Variants in TNS1 observed in about 807,000 individuals in gnomAD.
TNS1 encodes the protein tensin-1.
A neutral mutation model predicts 168.6 loss-of-function variants in TNS1; 62 were observed. The observed-to-expected ratio is 0.37, with a 90% CI of 0.30 to 0.45. TNS1 has a LOEUF of 0.45. TNS1 is among the 20% of genes least tolerant of loss of function. The pLI is 1.00. For missense variants in TNS1, 2,240 were observed against 2,339.4 expected (o/e 0.96, Z 0.88); for synonymous variants, 934 against 933.2 (o/e 1.00, Z -0.02).
In TNS1 at chr2:217,813,977, G is replaced by T; in HGVS notation, c.4730-161C>A. The T allele has an allele frequency of 1.2e-6, 1 of 816,942 alleles. No individual in the cohort carries two copies. Among genetic ancestry groups the T allele is most frequent in the Non-Finnish European group, 1.7e-6 (1 of 579,530 alleles). 50.6% of individuals were successfully genotyped at this position (816,942 alleles called of 1,614,324 possible). On this transcript the variant is annotated intron_variant, in intron 25 of 32. Coordinates refer to ENST00000682258, the MANE Select transcript of TNS1 (RefSeq NM_001387777.1). This position sits in a 1 kb window ranked among gnomAD's most constrained non-coding sequence, Gnocchi z 4.0. ...ACTCCTACGGGTCTTCCTGTACTCA[G>T]GTTGGCAAACTTATTCTGTTGGGTT...
At chr2:217,947,226 T>C (rs373488338) in intron 3 of TNS1, among the ~76,000 whole-genome samples, 2 of 145,094 alleles carry the variant, frequency 1.4e-5, no homozygotes, top group African/African-American at 5.0e-5. Flanking sequence ...CCTTCAAGGG[T>C]AGGCCTGGGG....
intron 4 of TNS1, among the ~76,000 whole-genome samples, chr2:217,910,964 C>T (rs1954336612): frequency 6.6e-6 from 1 of 152,154 alleles, no homozygotes; most frequent in Non-Finnish European, 1.5e-5. Context: ...TCTCACTGCC[C>T]TCACCCTTGG....
chr2:217,899,295 G>A (rs1952672817), intron 7 of TNS1, among the ~76,000 whole-genome samples: 1 of 152,164 alleles, frequency 6.6e-6, no homozygotes, highest in Admixed American at 6.5e-5. Flanking sequence ...GTTTGACTCT[G>A]AGTCCCAGCT....
chr2:217,835,401 T>C (rs1190738531), intron 20 of TNS1, among the ~76,000 whole-genome samples: 2 of 152,166 alleles, frequency 1.3e-5, no homozygotes, highest in African/African-American at 4.8e-5. Flanking sequence ...TATAGGCCAG[T>C]ACACTCGCTC....
At position 217,974,545 on chromosome 2, in the gene TNS1, A is replaced by T. The variant is rs561665440; in HGVS notation, c.186+4220T>A. On this transcript the variant is annotated intron_variant, in intron 3 of 32. Coordinates refer to ENST00000682258, the MANE Select transcript of TNS1 (RefSeq NM_001387777.1). ...CTCAACCTTCCGATGGGCAATCAAC[A>T]CATAGATAACATTGACTATGAGCCG... Among the ~76,000 whole-genome samples the T allele has an allele frequency of 8.9e-4, 136 of 152,296 alleles. 1 individual carries two copies. Among genetic ancestry groups the T allele is most frequent in the East Asian group, 9.6e-4 (5 of 5,186 alleles).
intron 24 of TNS1, among the ~76,000 whole-genome samples, chr2:217,815,568 G>A (rs892747030): frequency 1.3e-5 from 2 of 152,204 alleles, no homozygotes; most frequent in East Asian, 1.9e-4. Flanking sequence ...TCCCCTGCCC[G>A]CCATCTGGGT....
chr2:217,945,905 A>G (rs1957093211), intron 3 of TNS1, among the ~76,000 whole-genome samples: 1 of 152,116 alleles, frequency 6.6e-6, no homozygotes, highest in African/African-American at 2.4e-5. Flanking sequence ...AGCTCTCTAG[A>G]GGTGGATGTG....
At chr2:217,808,542 C>T in intron 31 of TNS1, 61 bp downstream of exon 31, 2 of 1,506,806 alleles carry the variant, frequency 1.3e-6, no homozygotes, top group Non-Finnish European at 1.8e-6. Context: ...CATGCATGCA[C>T]CCACACAGAC....
intron 1 of TNS1, among the ~76,000 whole-genome samples, chr2:218,009,101 T>C (rs1217661071): frequency 1.3e-5 from 2 of 152,188 alleles, no homozygotes; most frequent in Non-Finnish European, 2.9e-5. Context: ...AGTGGCTGGC[T>C]CCATAGCTGG....
rs1379266242 is a variant in TNS1 at position 217,818,012 on chromosome 2, C to A, written c.4320G>T (p.Leu1440=). ...YSTPEDRRPT[L]SRQSSASGYQ... ...AGCCAGAGGCACTGCTCTGCCGGGACAGTGTGGGTCTCCGATCCTCCGGGG... is the reference window on the plus strand; with the variant it reads ...AGCCAGAGGCACTGCTCTGCCGGGAAAGTGTGGGTCTCCGATCCTCCGGGG... Residue 1440 remains leucine (L), a synonymous_variant, in exon 24 of 33, where the codon CTG becomes CTT. Transcript: ENST00000682258. 1.3e-6 allele frequency: 2 copies of A among 1,597,414 alleles called. No homozygotes were observed. Among genetic ancestry groups the A allele is most frequent in the Non-Finnish European group, 1.7e-6 (2 of 1,171,872 alleles).
At chr2:217,808,808 G>T in intron 30 of TNS1, 137 bp from the exon 31 acceptor site, 1 of 740,748 alleles carries the variant, frequency 1.3e-6, no homozygotes. Context: ...TTATGAGCAA[G>T]ATGGCCTGAG....
chr2:217,967,058 G>A (rs896876461), intron 3 of TNS1, among the ~76,000 whole-genome samples: 2 of 152,280 alleles, frequency 1.3e-5, no homozygotes, highest in East Asian at 3.9e-4. Flanking sequence ...GGTGGCTCAC[G>A]CCTGTAATCC....
At chr2:217,856,414 C>T (rs1310758504) in intron 18 of TNS1, among the ~76,000 whole-genome samples, 1 of 152,218 alleles carries the variant, frequency 6.6e-6, no homozygotes, top group Non-Finnish European at 1.5e-5. Flanking sequence ...TTGGCCTCCA[C>T]CCATGCCAGC....
rs66652637 is a variant in TNS1, at chr2:217,831,942, AACAC to A, written c.3281-399_3281-396del. 2.0e-3 allele frequency among the ~76,000 whole-genome samples: 289 copies of A among 146,268 alleles called. 3 individuals are homozygous for A. The highest frequency in any genetic ancestry group is 6.9e-3 in the Middle Eastern group (2 of 288). ...CTCATCCCTCTTCCTACCCTCACCC[AACAC>A]ACACACACACACACACACACACACA... On this transcript the variant is annotated intron_variant, in intron 21 of 32. Coordinates refer to ENST00000682258, the MANE Select transcript of TNS1 (RefSeq NM_001387777.1).
chr2:217,882,121 C>T (rs1950739390), intron 17 of TNS1: 1 of 455,008 alleles, frequency 2.2e-6, no homozygotes, highest in Non-Finnish European at 3.8e-6. Flanking sequence ...ACAGTTTATC[C>T]AACCCAGTGC....
chr2:217,826,637 T>A (rs1233066346), intron 22 of TNS1, among the ~76,000 whole-genome samples: 1 of 152,178 alleles, frequency 6.6e-6, no homozygotes, highest in African/African-American at 2.4e-5. Flanking sequence ...CCTGCCTTCC[T>A]CCACTCCTCA....
At chr2:218,025,631 T>G (rs1433785576) in intron 1 of TNS1, among the ~76,000 whole-genome samples, 4 of 152,016 alleles carry the variant, frequency 2.6e-5, no homozygotes, top group Non-Finnish European at 5.9e-5. Flanking sequence ...ATTGGCAGAG[T>G]GCAGTGGTGA....
exon 1 of TNS1, chr2:218,010,115 G>A (rs1958692616): frequency 1.0e-5 from 4 of 399,062 alleles, no homozygotes. Flanking sequence ...TGCGGAGGCA[G>A]AAGCGCAGGG....
In TNS1 at chr2:217,818,731, C is replaced by T; in HGVS notation, c.3601G>A (p.Glu1201Lys). The T allele has an allele frequency of 6.2e-7, 1 of 1,612,778 alleles. No homozygotes were observed. Among genetic ancestry groups the T allele is most frequent in the Non-Finnish European group, 8.5e-7 (1 of 1,179,364 alleles). Residue 1201 changes from glutamate (E) to lysine (K), a missense_variant, in exon 24 of 33, where the codon GAG (glutamate) becomes AAG (lysine). Glu to Lys is a moderately conservative substitution (Grantham distance 56). Transcript: ENST00000682258. ...STSVGSFPSGESSDQGPRTPT... is the reference protein window; with the variant it reads ...STSVGSFPSGKSSDQGPRTPT... ...GTCCGGGGACCCTGGTCACTGCTCT[C>T]TCCCGACGGGAAACTCCCCACTGAA...
Sources: gnomAD v4.1 joint callset for allele counts (sites outside exome capture counted in the v4.1 genomes callset) on GRCh38, gnomAD v4.1.1 for gene constraint, Gnocchi (gnomAD v3.1) non-coding constraint, MANE v1.5 for transcripts, NCBI Gene and HGNC (gene_info 2026-07-23, HGNC 2026-07-21) for gene names.